BCL2L13: variants seen among roughly 807,000 people sequenced by gnomAD.
The protein encoded by BCL2L13 is bcl-2-like protein 13.
In BCL2L13, 13 loss-of-function variants were observed where a neutral mutation model predicts 25.8. The ratio of observed to expected loss-of-function variants is 0.50; its 90% confidence interval spans 0.33 to 0.80. BCL2L13 has a LOEUF of 0.80. BCL2L13 is among the 30% of genes least tolerant of loss of function. The pLI is 0.02. For synonymous variants in BCL2L13, 244 were observed against 230.3 expected (o/e 1.06, Z -0.54); for missense variants, 504 against 574.9 (o/e 0.88, Z 1.26).
At chr22:17,638,404 T>A (rs2058149907), upstream of BCL2L13, 1 of 329,482 alleles carries the variant, frequency 3.0e-6, no homozygotes, top group Non-Finnish European at 5.5e-6. Flanking sequence ...TTATTTGACC[T>A]GCTCCCTTGG....
intron 1 of BCL2L13, among the ~76,000 whole-genome samples, chr22:17,642,870 T>C (rs1568918198): frequency 1.3e-5 from 2 of 152,322 alleles, no homozygotes; most frequent in East Asian, 3.9e-4. Context: ...GTGCTGGGAT[T>C]ATAGGCATGA....
At chr22:17,649,251 C>T (rs1044319954) in intron 1 of BCL2L13, among the ~76,000 whole-genome samples, 2 of 152,104 alleles carry the variant, frequency 1.3e-5, no homozygotes, top group African/African-American at 2.4e-5. Context: ...GCGCACGCCA[C>T]CATGCCTGGC....
chr22:17,633,872 G>T (rs1234930821), upstream of BCL2L13, among the ~76,000 whole-genome samples: 1 of 151,954 alleles, frequency 6.6e-6, no homozygotes, highest in East Asian at 1.9e-4. Flanking sequence ...CATGGCTTCT[G>T]CTTGCTCCTG....
intron 1 of BCL2L13, among the ~76,000 whole-genome samples, chr22:17,649,243 G>A (rs536990677): frequency 4.0e-5 from 6 of 151,736 alleles, no homozygotes; most frequent in East Asian, 3.9e-4. Context: ...TATTATAGGC[G>A]CACGCCACCA....
upstream of BCL2L13, among the ~76,000 whole-genome samples, chr22:17,637,131 G>C (rs866339313): frequency 6.6e-6 from 1 of 152,012 alleles, no homozygotes; most frequent in African/African-American, 2.4e-5. Context: ...AAAAAGCCAG[G>C]CACGGTGGCT....
intron 6 of BCL2L13, among the ~76,000 whole-genome samples, chr22:17,716,916 AGATAGAGGCT>A (rs1030842442): frequency 6.6e-5 from 10 of 152,258 alleles, no homozygotes; most frequent in Non-Finnish European, 1.3e-4. Flanking sequence ...ACCTTTTATG[AGATAGAGGCT>A]GATAGAGGCA....
chr22:17,705,663 T>A (rs2060569739), intron 6 of BCL2L13, among the ~76,000 whole-genome samples: 1 of 152,118 alleles, frequency 6.6e-6, no homozygotes, highest in Non-Finnish European at 1.5e-5. Flanking sequence ...TCAACATGAA[T>A]CTCCTTAAGA....
upstream of BCL2L13, among the ~76,000 whole-genome samples, chr22:17,634,357 T>C (rs944570586): frequency 1.3e-5 from 2 of 152,080 alleles, no homozygotes; most frequent in African/African-American, 4.8e-5. Flanking sequence ...GGCTAATTTT[T>C]TGTATTTTTA....
At chr22:17,712,899 T>C (rs190136676) in intron 6 of BCL2L13, among the ~76,000 whole-genome samples, 2 of 152,310 alleles carry the variant, frequency 1.3e-5, no homozygotes, top group Admixed American at 1.3e-4. Context: ...ACTGAAGTGA[T>C]TGTAAATATT....
At chr22:17,631,135 C>T (rs549409897) in intron 1 of BCL2L13, among the ~76,000 whole-genome samples, 13 of 149,758 alleles carry the variant, frequency 8.7e-5, no homozygotes, top group South Asian at 2.1e-4. Flanking sequence ...AGAAGAGTGT[C>T]GCTCATGCTG....
At chr22:17,721,585 T>G (rs2061134596) in intron 6 of BCL2L13, among the ~76,000 whole-genome samples, 1 of 148,672 alleles carries the variant, frequency 6.7e-6, no homozygotes, top group Non-Finnish European at 1.5e-5. Context: ...AGTGCAGTGG[T>G]GCGATCTCAG....
At chr22:17,719,624 A>T (rs893849464) in intron 6 of BCL2L13, among the ~76,000 whole-genome samples, 3 of 152,048 alleles carry the variant, frequency 2.0e-5, no homozygotes, top group Admixed American at 6.6e-5. Flanking sequence ...AGGTCAAGAG[A>T]TCGAGACCAT....
intron 2 of BCL2L13, among the ~76,000 whole-genome samples, chr22:17,661,084 CT>C: frequency 6.9e-6 from 1 of 145,046 alleles, no homozygotes; most frequent in Non-Finnish European, 1.6e-5. Context: ...GGCTCCATTT[CT>C]TTTTTCTTAA....
chr22:17,684,208 G>GT (rs1484792767), intron 3 of BCL2L13, among the ~76,000 whole-genome samples: 3 of 152,112 alleles, frequency 2.0e-5, no homozygotes, highest in Admixed American at 2.0e-4. Context: ...ACTCATGCCT[G>GT]TAATTCTAGC....
intron 1 of BCL2L13, among the ~76,000 whole-genome samples, chr22:17,631,692 ATATATATATATATATTTTTTTTTTTTTTT>A (rs2058027664): frequency 3.5e-5 from 2 of 57,570 alleles, no homozygotes; most frequent in African/African-American, 6.7e-5. Flanking sequence ...ATATATATAT[ATATATATATATATATTTTTTTTTTTTTTT>A]TTTTTTTTTT....
upstream of BCL2L13, among the ~76,000 whole-genome samples, chr22:17,637,397 ACT>A (rs1484734742): frequency 1.4e-5 from 2 of 138,310 alleles, no homozygotes; most frequent in African/African-American, 5.5e-5. Flanking sequence ...ACAGAGTGAG[ACT>A]CTGCCTCAAA....
At chr22:17,672,059 G>A (rs913636926) in intron 2 of BCL2L13, among the ~76,000 whole-genome samples, 7 of 152,148 alleles carry the variant, frequency 4.6e-5, no homozygotes, top group Admixed American at 3.9e-4. Context: ...ATATTTTGAG[G>A]TATTTGTTTT....
intron 4 of BCL2L13, among the ~76,000 whole-genome samples, chr22:17,693,717 T>G (rs2145655595): frequency 6.6e-6 from 1 of 151,204 alleles, no homozygotes; most frequent in South Asian, 2.1e-4. Context: ...GCAAGACTCC[T>G]TCTCTTCTTT....
At chr22:17,706,879 A>G in intron 6 of BCL2L13, 2 of 1,301,742 alleles carry the variant, frequency 1.5e-6, no homozygotes, top group Non-Finnish European at 2.0e-6. Flanking sequence ...CTTCTTGTGA[A>G]AGATTTACTT....
Sources: gnomAD v4.1 joint callset for allele counts (sites outside exome capture counted in the v4.1 genomes callset) on GRCh38, gnomAD v4.1.1 for gene constraint, MANE v1.5 for transcripts, NCBI Gene and HGNC (gene_info 2026-07-23, HGNC 2026-07-21) for gene names.